The following MELK variants were observed in gnomAD, a reference collection of about 807,000 sequenced individuals.
The protein encoded by MELK is pEg3 kinase.
MELK carries 81 observed loss-of-function variants against 85.0 expected under a neutral mutation model. The ratio of observed to expected loss-of-function variants is 0.95; its 90% CI spans 0.80 to 1.15. The LOEUF (loss-of-function observed/expected upper bound fraction) is 1.15. MELK is among the 50% of genes most tolerant of loss of function. MELK has a pLI of 0.00. For synonymous variants in MELK, 252 were observed against 265.0 expected (o/e 0.95, Z 0.48); for missense variants, 754 against 777.5 (o/e 0.97, Z 0.36).
intron 11 of MELK, 87 bp from the exon 12 acceptor site, chr9:36,651,650 CTGAATGTTA>C: frequency 7.0e-7 from 1 of 1,433,290 alleles, no homozygotes; most frequent in Non-Finnish European, 9.5e-7. Context: ...TTTTAAAGTT[CTGAATGTTA>C]CACTGAAGAA....
chr9:36,630,256 A>G lies in MELK; in HGVS notation c.667-43A>G, dbSNP rs556239527. On this transcript the variant is annotated intron_variant, in intron 8 of 17. Transcript: ENST00000298048. ...GTTATTACCTAAGGAATTTGTGTCAAGGCTGATTGAACCTGAATCTCTTAA... is the reference window on the plus strand; with the variant it reads ...GTTATTACCTAAGGAATTTGTGTCAGGGCTGATTGAACCTGAATCTCTTAA... The G allele has an allele frequency of 3.4e-6, 5 of 1,467,770 alleles. No homozygotes were observed. The African/African-American group carries it at 5.6e-5, about 16-fold the overall frequency. The allele number at this position is 1,467,770 out of a possible 1,614,324, so 90.9% of individuals were successfully genotyped here. A position where few individuals can be genotyped will look rare whatever the true frequency, so the allele number is the denominator to read the frequency against.
At chr9:36,671,232 T>A (rs1051993943) in intron 16 of MELK, 66 bp downstream of exon 16, 2 of 1,406,692 alleles carry the variant, frequency 1.4e-6, no homozygotes, top group Admixed American at 2.8e-5. Flanking sequence ...CTTTTTTTTT[T>A]AAGGTGCTGA....
intron 14 of MELK, among the ~76,000 whole-genome samples, chr9:36,668,678 A>G (rs937446276): frequency 2.0e-5 from 3 of 151,880 alleles, no homozygotes; most frequent in African/African-American, 7.3e-5. Flanking sequence ...ACGCCCAGCT[A>G]ATTTTTTTGT....
intron 12 of MELK, among the ~76,000 whole-genome samples, chr9:36,656,425 T>G (rs1484849092): frequency 2.0e-5 from 3 of 152,228 alleles, no homozygotes; most frequent in Non-Finnish European, 4.4e-5. Context: ...TCTGATAATT[T>G]GAACTGAAAT....
chr9:36,594,497 C>T (rs1191620990), intron 4 of MELK, 131 bp from the exon 5 acceptor site: 1 of 973,332 alleles, frequency 1.0e-6, no homozygotes, highest in Non-Finnish European at 1.5e-6. Context: ...TTTGAATATA[C>T]CTTACTCGGT....
intron 10 of MELK, among the ~76,000 whole-genome samples, chr9:36,638,104 C>A (rs1239082404): frequency 6.6e-6 from 1 of 152,096 alleles, no homozygotes; most frequent in African/African-American, 2.4e-5. Context: ...GGGCTTTGCA[C>A]ATCTTCTCAG....
At chr9:36,629,864 T>C (rs1222206736) in intron 8 of MELK, 1 of 123,050 alleles carries the variant, frequency 8.1e-6, no homozygotes, top group Non-Finnish European at 1.6e-5. Context: ...TTTTTTTTTG[T>C]GATGGAGTCT....
At chr9:36,649,502 A>C (rs1317503375) in intron 11 of MELK, among the ~76,000 whole-genome samples, 1 of 151,964 alleles carries the variant, frequency 6.6e-6, no homozygotes, top group Non-Finnish European at 1.5e-5. Flanking sequence ...ACGGTGGCTT[A>C]CGCCTGTAAA....
chr9:36,633,289 T>C (rs1459802055), intron 10 of MELK, 89 bp downstream of exon 10: 1 of 864,012 alleles, frequency 1.2e-6, no homozygotes, highest in Non-Finnish European at 1.8e-6. Context: ...GGTCTAAATA[T>C]ACAAGAAAAT....
chr9:36,672,670 T>G (rs1047662527), intron 16 of MELK, among the ~76,000 whole-genome samples: 6 of 152,006 alleles, frequency 3.9e-5, no homozygotes, highest in Admixed American at 1.3e-4. Context: ...GTGTCTTCAT[T>G]TGTAAAATCT....
At chr9:36,676,586 C>T (rs2138329145) in intron 17 of MELK, among the ~76,000 whole-genome samples, 1 of 152,198 alleles carries the variant, frequency 6.6e-6, no homozygotes, top group South Asian at 2.1e-4. Context: ...ATACCATTTC[C>T]TTGGGCTTTT....
chr9:36,582,649 C>T (rs1488006088), intron 2 of MELK, among the ~76,000 whole-genome samples: 3 of 152,074 alleles, frequency 2.0e-5, no homozygotes, highest in Non-Finnish European at 4.4e-5. Flanking sequence ...ATTCCCTGTG[C>T]GGATCAAGAC....
chr9:36,637,383 A>G (rs1829323713), intron 10 of MELK, among the ~76,000 whole-genome samples: 4 of 152,238 alleles, frequency 2.6e-5, no homozygotes, highest in African/African-American at 9.6e-5. Flanking sequence ...ATTGCTTTAC[A>G]TCTTTGCCAA....
Position 36,669,375 on chromosome 9 carries a change from TTA to T in MELK, c.1475_1476del (p.Leu492TyrfsTer6), listed in dbSNP as rs1832686885. On this transcript the variant is annotated frameshift_variant, in exon 15 of 18. Transcript: ENST00000298048. LOFTEE classifies it high-confidence loss of function. ...AGTAAATTCAACAGGAACAGACAAGTTAATGACAGGTGTCATTAGCCCTGAGA... is the reference window on the plus strand; with the variant it reads ...AGTAAATTCAACAGGAACAGACAAGTATGACAGGTGTCATTAGCCCTGAGA... ...IPVNSTGTDK[L>X]MTGVISPERR... 6 of 1,607,216 alleles carry T rather than the reference TTA, an allele frequency of 3.7e-6. No individual in the cohort carries two copies. Among genetic ancestry groups the T allele is most frequent in the Non-Finnish European group, 5.1e-6 (6 of 1,177,594 alleles).
chr9:36,609,239 C>T (rs889115926), intron 8 of MELK, among the ~76,000 whole-genome samples: 1 of 151,950 alleles, frequency 6.6e-6, no homozygotes, highest in Non-Finnish European at 1.5e-5. Context: ...CTAAAATCTA[C>T]ACTTTAAAAG....
At chr9:36,600,626 C>A (rs1341492829) in intron 7 of MELK, among the ~76,000 whole-genome samples, 1 of 152,160 alleles carries the variant, frequency 6.6e-6, no homozygotes, top group Admixed American at 6.5e-5. Flanking sequence ...ACCTCGTGAT[C>A]CGCCTGCCTC....
At chr9:36,632,829 C>G (rs1828772154) in intron 9 of MELK, among the ~76,000 whole-genome samples, 1 of 152,194 alleles carries the variant, frequency 6.6e-6, no homozygotes, top group Non-Finnish European at 1.5e-5. Context: ...TTACATCATA[C>G]AATAGATTGA....
chr9:36,642,418 CTTTTTTT>C (rs34671966), intron 10 of MELK, among the ~76,000 whole-genome samples: 5 of 84,774 alleles, frequency 5.9e-5, no homozygotes, highest in Admixed American at 1.4e-4. Flanking sequence ...TACAACAGAA[CTTTTTTT>C]TTTTTTTTTT....
intron 8 of MELK, among the ~76,000 whole-genome samples, chr9:36,610,920 A>G (rs796479389): frequency 1.4e-4 from 22 of 152,244 alleles, no homozygotes; most frequent in African/African-American, 5.3e-4. Flanking sequence ...ATTGTATTCT[A>G]GTATAGGTTG....
Sources: gnomAD v4.1 joint callset for allele counts (sites outside exome capture counted in the v4.1 genomes callset) on GRCh38, gnomAD v4.1.1 for gene constraint, MANE v1.5 for transcripts, NCBI Gene and HGNC (gene_info 2026-07-23, HGNC 2026-07-21) for gene names.